FER1L6: variants seen among roughly 807,000 people sequenced by gnomAD.
FER1L6 encodes fer-1 like family member 6, also known as fer-1-like protein 6.
FER1L6 carries 177 observed loss-of-function variants against 219.2 expected under a neutral mutation model. That is an observed-to-expected ratio of 0.81 (90% confidence interval 0.71 to 0.91). The LOEUF is 0.91. FER1L6 is among the 40% of genes least tolerant of loss of function. The pLI, the probability that FER1L6 is intolerant of heterozygous loss-of-function variation, is 0.00. For missense variants in FER1L6, 2,153 were observed against 2,259.9 expected (o/e 0.95, Z 0.96); for synonymous variants, 768 against 824.3 (o/e 0.93, Z 1.17).
intron 1 of FER1L6, among the ~76,000 whole-genome samples, chr8:123,904,245 TGTGTG>T (rs1812911615): frequency 6.6e-6 from 1 of 151,548 alleles, no homozygotes; most frequent in African/African-American, 2.4e-5. Context: ...TGTGTGTGTG[TGTGTG>T]TGTGTGTGTG....
At chr8:124,000,031 A>C (rs759763389) in intron 12 of FER1L6, among the ~76,000 whole-genome samples, 1 of 152,196 alleles carries the variant, frequency 6.6e-6, no homozygotes, top group Non-Finnish European at 1.5e-5. Context: ...CTCAGCCTGC[A>C]GTGGCAAAGC....
chr8:123,861,342 T>G (rs1336731301), intron 1 of FER1L6, among the ~76,000 whole-genome samples: 3 of 147,132 alleles, frequency 2.0e-5, no homozygotes, highest in Admixed American at 2.0e-4. Context: ...TTGATCTATA[T>G]CTCTGTTTTG....
At chr8:123,967,132 C>T (rs1815580065) in intron 5 of FER1L6, among the ~76,000 whole-genome samples, 2 of 149,220 alleles carry the variant, frequency 1.3e-5, no homozygotes, top group African/African-American at 4.9e-5. Flanking sequence ...GCAAAAGAGA[C>T]AAAAAGTATA....
Position 124,082,339 on chromosome 8 carries a change from G to C in FER1L6, c.4272G>C (p.Leu1424=). The change falls in exon 33 of 41, where the codon CTG becomes CTC. Residue 1424 remains leucine (L), a synonymous_variant. Coordinates refer to ENST00000522917, the MANE Select transcript of FER1L6 (RefSeq NM_001039112.2). ...TFPKESLLSI[L]IYDHDMIGTD... is the part of the protein sequence containing the mutation. Reference sequence around the variant, plus strand: ...CAAAAGAGTCCCTGCTCTCCATCCTGATCTATGACCATGACATGATTGGCA... The same window carrying C: ...CAAAAGAGTCCCTGCTCTCCATCCTCATCTATGACCATGACATGATTGGCA... 6.2e-7 allele frequency: 1 copy of C among 1,613,908 alleles called. No individual in the cohort carries two copies. The highest frequency in any genetic ancestry group is 8.5e-7 in the Non-Finnish European group (1 of 1,179,882).
At chr8:123,924,299 C>T (rs1292361900) in intron 1 of FER1L6, among the ~76,000 whole-genome samples, 1 of 151,338 alleles carries the variant, frequency 6.6e-6, no homozygotes, top group African/African-American at 2.4e-5. Flanking sequence ...AATCCCAGCC[C>T]TTTGGGAGGC....
chr8:124,065,969 C>T (rs1265328957), intron 26 of FER1L6, among the ~76,000 whole-genome samples: 2 of 152,192 alleles, frequency 1.3e-5, no homozygotes, highest in Non-Finnish European at 2.9e-5. Flanking sequence ...GTACTTAATC[C>T]TCAGAACAGT....
In FER1L6 at chr8:124,095,305, G is replaced by A. The variant is rs112804052; in HGVS notation, c.4695+267G>A. On this transcript the variant is annotated intron_variant, in intron 35 of 40. Transcript: ENST00000522917. Reference sequence around the variant, plus strand: ...CTAAAATGTCAATAATGCTGAATTTGAGAAGCCCTGCCCTGGAGTCAGTGT... The same window carrying A: ...CTAAAATGTCAATAATGCTGAATTTAAGAAGCCCTGCCCTGGAGTCAGTGT... Among the ~76,000 whole-genome samples the A allele has an allele frequency of 5.8e-3, 879 of 152,302 alleles. 17 individuals carry two copies. Among genetic ancestry groups the A allele is most frequent in the African/African-American group, 0.02 (833 of 41,572 alleles).
At chr8:123,913,341 C>T (rs1586458771) in intron 1 of FER1L6, among the ~76,000 whole-genome samples, 1 of 147,958 alleles carries the variant, frequency 6.8e-6, no homozygotes, top group East Asian at 2.1e-4. Flanking sequence ...TTCACACACA[C>T]ACATATATAT....
chr8:123,897,296 C>G (rs1164345999), intron 1 of FER1L6, among the ~76,000 whole-genome samples: 2 of 152,074 alleles, frequency 1.3e-5, no homozygotes, highest in African/African-American at 4.8e-5. Flanking sequence ...GTTCTACATT[C>G]CCCCAACATC....
chr8:124,110,599 T>C (rs1822981043), intron 39 of FER1L6, among the ~76,000 whole-genome samples: 2 of 152,114 alleles, frequency 1.3e-5, no homozygotes, highest in Admixed American at 6.5e-5. Flanking sequence ...GAGTAGTCAC[T>C]AAAAGCAACC....
chr8:123,997,346 T>C (rs2130461870), intron 12 of FER1L6, among the ~76,000 whole-genome samples: 1 of 152,304 alleles, frequency 6.6e-6, no homozygotes, highest in Admixed American at 6.5e-5. Context: ...TGTCACTCTC[T>C]CCTGGCCTGT....
chr8:123,895,608 C>T (rs1812729937), intron 1 of FER1L6, among the ~76,000 whole-genome samples: 1 of 152,056 alleles, frequency 6.6e-6, no homozygotes, highest in Non-Finnish European at 1.5e-5. Flanking sequence ...ATTATACTGC[C>T]TCTCAACAAA....
At chr8:124,107,669 A>C (rs577327862) in intron 39 of FER1L6, among the ~76,000 whole-genome samples, 1 of 152,274 alleles carries the variant, frequency 6.6e-6, no homozygotes, top group South Asian at 2.1e-4. Context: ...CATTTGTTGA[A>C]TAGTTTTGTA....
At chr8:123,971,794 C>T (rs1815829776) in intron 6 of FER1L6, among the ~76,000 whole-genome samples, 1 of 152,142 alleles carries the variant, frequency 6.6e-6, no homozygotes, top group Non-Finnish European at 1.5e-5. Flanking sequence ...CTGTAACACA[C>T]CCTGGTGGTG....
intron 16 of FER1L6, 70 bp downstream of exon 16, chr8:124,017,788 C>G: frequency 7.9e-7 from 1 of 1,267,130 alleles, no homozygotes; most frequent in Non-Finnish European, 1.1e-6. Context: ...GCATAGGTCA[C>G]AGACCAAATG....
At chr8:123,924,545 AAAT>A (rs200776615) in intron 1 of FER1L6, among the ~76,000 whole-genome samples, 1,993 of 151,318 alleles carry the variant, frequency 0.013, 48 homozygotes, top group African/African-American at 0.047. Context: ...AAAAAAAAAA[AAAT>A]AAATAAATAA....
chr8:124,023,004 C>T (rs1241580081), intron 17 of FER1L6, among the ~76,000 whole-genome samples: 1 of 152,150 alleles, frequency 6.6e-6, no homozygotes. Context: ...CCTCCTCCGC[C>T]TCCTGGGTTC....
intron 1 of FER1L6, among the ~76,000 whole-genome samples, chr8:123,934,868 G>A (rs1412891229): frequency 6.6e-6 from 1 of 152,096 alleles, no homozygotes; most frequent in Non-Finnish European, 1.5e-5. Context: ...ACAAGTGTGT[G>A]GCACTTAACC....
intron 19 of FER1L6, chr8:124,036,195 G>A (rs1819198925): frequency 6.6e-6 from 1 of 152,138 alleles, no homozygotes; most frequent in African/African-American, 2.4e-5. Context: ...GGAAACACTG[G>A]AGAATTGTCT....
Sources: allele counts gnomAD v4.1 joint callset (sites outside exome capture counted in the v4.1 genomes callset), GRCh38; gene constraint gnomAD v4.1.1; transcripts MANE v1.5; gene names NCBI Gene and HGNC (gene_info 2026-07-23, HGNC 2026-07-21).